Variants in TMEM59 observed in about 807,000 individuals in gnomAD.
The protein encoded by TMEM59 is dendritic cell factor 1.
In TMEM59, 44 loss-of-function variants were observed where a neutral mutation model predicts 42.2. The observed-to-expected ratio is 1.04, with a 90% CI of 0.82 to 1.34. The LOEUF (loss-of-function observed/expected upper bound fraction) is 1.34, where lower values mean the gene tolerates loss of function less well. Among genes scored for constraint, TMEM59 ranks in the 40% most tolerant of loss-of-function variants. TMEM59 has a pLI of 0.00. For missense variants in TMEM59, 359 were observed against 382.8 expected (o/e 0.94, Z 0.52); for synonymous variants, 148 against 145.8 (o/e 1.02, Z -0.11).
chr1:54,050,953 G>A (rs965405848), intron 1 of TMEM59, among the ~76,000 whole-genome samples: 45 of 151,906 alleles, frequency 3.0e-4, no homozygotes, highest in African/African-American at 1.1e-3. Flanking sequence ...GCGCCTCCCA[G>A]GCTCAAGCAA....
intron 3 of TMEM59, 145 bp from the exon 4 acceptor site, chr1:54,043,670 A>C (rs931839170): frequency 1.8e-5 from 8 of 448,508 alleles, no homozygotes; most frequent in Admixed American, 4.7e-5. Flanking sequence ...CATTAGAGTA[A>C]ACTCTTAGTT....
At position 54,031,906 on chromosome 1, in the gene TMEM59, CA is replaced by C; in HGVS notation, c.*243del. ...AAAGGGAAAAAAACAATAACCAAAG[CA>C]AAAAACAAAATAGCTACAGATATTA... On this transcript the variant is annotated 3_prime_UTR_variant, in exon 8 of 8. Transcript: ENST00000234831. 1 of 332,788 alleles carries C rather than the reference CA, an allele frequency of 3.0e-6. No homozygotes were observed. 20.6% of individuals were successfully genotyped at this position (332,788 alleles called of 1,614,324 possible).
intron 7 of TMEM59, chr1:54,033,558 C>T (rs1482484689): frequency 4.9e-5 from 7 of 141,508 alleles, no homozygotes; most frequent in African/African-American, 8.1e-5. Flanking sequence ...GGTGAGATCG[C>T]GACACTGCCC....
At chr1:54,040,931 C>A in intron 5 of TMEM59, 94 bp from the exon 6 acceptor site, 2 of 984,678 alleles carry the variant, frequency 2.0e-6, no homozygotes, top group South Asian at 1.5e-5. Flanking sequence ...TACAGATATC[C>A]AATTGTTTTT....
At chr1:54,053,434 GGC>G (rs1159478961), upstream of TMEM59, 29 of 530,348 alleles carry the variant, frequency 5.5e-5, no homozygotes, top group African/African-American at 5.3e-4. Flanking sequence ...CGCGAAGCGG[GGC>G]CTCCTGACTT....
In TMEM59 at chr1:54,030,314, T is replaced by G. The variant is rs1656725253; in HGVS notation, c.*1836A>C. ...CAGCATTTTGTGTTTCTCTGTTTGC[T>G]TCATTGGATGCATTACAATTAAACC... On this transcript the variant is annotated 3_prime_UTR_variant, in exon 8 of 8. Coordinates refer to ENST00000234831, the MANE Select transcript of TMEM59 (RefSeq NM_004872.5). The G allele has an allele frequency of 6.6e-6, 1 of 152,328 alleles. No individual in the cohort carries two copies. The highest frequency in any genetic ancestry group is 2.1e-4 in the South Asian group (1 of 4,822). The allele number at this position is 152,328 out of a possible 1,614,324, so 9.4% of individuals were successfully genotyped here. A position where few individuals can be genotyped will look rare whatever the true frequency, so the allele number is the denominator to read the frequency against.
chr1:54,053,031 T>C lies in TMEM59; in HGVS notation c.158A>G (p.Gln53Arg), dbSNP rs778891856. The change falls in exon 1 of 8, where the codon CAG becomes CGG. Residue 53 changes from glutamine (Q) to arginine (R), a missense_variant. Transcript: ENST00000234831. ...GTAGGTGTGCAAGGGGTAGGTCAAC[T>C]GACAGGCCCGGTGGCAAGACGCCGT... is the stretch of plus-strand genomic sequence containing the variant. Reference protein sequence around the residue: ...GDTASCHRACQLTYPLHTYPK... With the variant: ...GDTASCHRACRLTYPLHTYPK... 14 of 1,613,980 alleles carry C rather than the reference T, an allele frequency of 8.7e-6. No homozygotes were observed.
intron 1 of TMEM59, among the ~76,000 whole-genome samples, chr1:54,049,157 C>T (rs1046315547): frequency 1.3e-5 from 2 of 152,150 alleles, no homozygotes; most frequent in Non-Finnish European, 2.9e-5. Context: ...TTTCAGGAAT[C>T]GGCCCTGGTT....
chr1:54,048,242 T>C (rs1187991950), intron 1 of TMEM59, among the ~76,000 whole-genome samples: 1 of 152,158 alleles, frequency 6.6e-6, no homozygotes, highest in Non-Finnish European at 1.5e-5. Flanking sequence ...GGAGCAACAG[T>C]GTGGTGTATG....
rs1368412528 is a variant in TMEM59, at chr1:54,030,107, A to G, written c.*2043T>C. ...AAGCGAAGAGAAATGAAACCAAGGG[A>G]AGGTGGAGAATATAGGACAACTGTA... On this transcript the variant is annotated 3_prime_UTR_variant, in exon 8 of 8. Coordinates refer to ENST00000234831, the MANE Select transcript of TMEM59 (RefSeq NM_004872.5). 1 of 151,976 alleles carries G rather than the reference A, an allele frequency of 6.6e-6. No individual in the cohort carries two copies. The highest frequency in any genetic ancestry group is 2.4e-5 in the African/African-American group (1 of 41,358). The allele number at this position is 151,976 out of a possible 1,614,324, so 9.4% of individuals were successfully genotyped here.
At chr1:54,049,783 A>C (rs1448665139) in intron 1 of TMEM59, among the ~76,000 whole-genome samples, 1 of 152,206 alleles carries the variant, frequency 6.6e-6, no homozygotes, top group East Asian at 1.9e-4. Flanking sequence ...GTTTGAGACC[A>C]GCCTAGGCAA....
intron 6 of TMEM59, among the ~76,000 whole-genome samples, chr1:54,040,309 C>T (rs1045112023): frequency 1.9e-4 from 29 of 151,890 alleles, no homozygotes; most frequent in African/African-American, 6.3e-4. Flanking sequence ...TGCACCACCA[C>T]GCCCGGCTAA....
At position 54,040,784 on chromosome 1, in the gene TMEM59, T is replaced by C. The variant is rs1657111105; in HGVS notation, c.679A>G (p.Ser227Gly). ...GAGAGGCATCTTAAAAAGCCATCAC[T>C]TTCTCCATCTTCAAGAAAATTCCTG... Reference protein sequence around the residue: ...AHRNFLEDGESDGFLRCLSLN... With the variant: ...AHRNFLEDGEGDGFLRCLSLN... The change falls in exon 6 of 8, where the codon AGT becomes GGT. Residue 227 changes from serine (S) to glycine (G), a missense_variant. Coordinates refer to ENST00000234831, the MANE Select transcript of TMEM59 (RefSeq NM_004872.5). 2 of 1,613,860 alleles carry C rather than the reference T, an allele frequency of 1.2e-6. No homozygotes were observed. The highest frequency in any genetic ancestry group is 1.1e-5 in the South Asian group (1 of 91,064).
rs1301449095 is a variant in TMEM59 at position 54,029,173 on chromosome 1, A to G, written c.*2977T>C. 6.6e-6 allele frequency: 1 copy of G among 152,228 alleles called. No homozygotes were observed. Among genetic ancestry groups the G allele is most frequent in the Non-Finnish European group, 1.5e-5 (1 of 68,046 alleles). 9.4% of individuals were successfully genotyped at this position (152,228 alleles called of 1,614,324 possible). A position where few individuals can be genotyped will look rare whatever the true frequency, so the allele number is the denominator to read the frequency against. On this transcript the variant is annotated 3_prime_UTR_variant, in exon 8 of 8. Coordinates refer to ENST00000234831, the MANE Select transcript of TMEM59 (RefSeq NM_004872.5). Reference sequence around the variant, plus strand: ...GGTTTTCTGCTGATCAGCAGCTCAGATTGCCTCATGATGCACCACAGGGAT... The same window carrying G: ...GGTTTTCTGCTGATCAGCAGCTCAGGTTGCCTCATGATGCACCACAGGGAT...
At chr1:54,041,850 C>T (rs1350264258) in intron 4 of TMEM59, 45 bp from the exon 5 acceptor site, 7 of 1,476,074 alleles carry the variant, frequency 4.7e-6, no homozygotes, top group Non-Finnish European at 6.6e-6. Context: ...ACTTCTTTAG[C>T]TTTTTTCAGT....
At chr1:54,036,847 T>C in intron 6 of TMEM59, 129 bp from the exon 7 acceptor site, 1 of 519,586 alleles carries the variant, frequency 1.9e-6, no homozygotes, top group Non-Finnish European at 3.3e-6. Flanking sequence ...TTGAAACTAT[T>C]AAAAAACATA....
rs372315415 is a variant in TMEM59 at position 54,036,722 on chromosome 1, G to GA, written c.708-5dup. The GA allele has an allele frequency of 1.7e-3, 2,437 of 1,455,694 alleles. No individual in the cohort carries two copies. The highest frequency in any genetic ancestry group is 2.9e-3 in the South Asian group (209 of 72,062). 90.2% of individuals were successfully genotyped at this position (1,455,694 alleles called of 1,614,324 possible). On this transcript the variant is annotated splice_region_variant and splice_polypyrimidine_tract_variant and intron_variant, in intron 6 of 7. Transcript: ENST00000234831. Reference sequence around the variant, plus strand: ...AGTTAAAATCCACCCAGAGTTACTGGAAAAAAAAAATCAACAATTAGTTAT... The same window carrying GA: ...AGTTAAAATCCACCCAGAGTTACTGGAAAAAAAAAAATCAACAATTAGTTAT...
rs1332634587 is a variant in TMEM59 at position 54,031,624 on chromosome 1, G to A, written c.*526C>T. 1 of 152,608 alleles carries A rather than the reference G, an allele frequency of 6.6e-6. No homozygotes were observed. Among genetic ancestry groups the A allele is most frequent in the African/African-American group, 2.4e-5 (1 of 41,418 alleles). 9.5% of individuals were successfully genotyped at this position (152,608 alleles called of 1,614,324 possible). ...TCATAATTCTTATCTAGGTTGGGCAGGAATAGGAGGGAAGGTCTAGAAAAA... is the reference window on the plus strand; with the variant it reads ...TCATAATTCTTATCTAGGTTGGGCAAGAATAGGAGGGAAGGTCTAGAAAAA... On this transcript the variant is annotated 3_prime_UTR_variant, in exon 8 of 8. Coordinates refer to ENST00000234831, the MANE Select transcript of TMEM59 (RefSeq NM_004872.5).
intron 7 of TMEM59, chr1:54,033,171 G>T: frequency 6.7e-6 from 1 of 148,714 alleles, no homozygotes; most frequent in South Asian, 2.1e-4. Flanking sequence ...ATGTTGCCTA[G>T]GCTGGTCTCA....
Sources: gnomAD v4.1 joint callset for allele counts (sites outside exome capture counted in the v4.1 genomes callset) on GRCh38, gnomAD v4.1.1 for gene constraint, MANE v1.5 for transcripts, NCBI Gene and HGNC (gene_info 2026-07-23, HGNC 2026-07-21) for gene names.